GET3: variants seen among roughly 807,000 people sequenced by gnomAD.
The protein encoded by GET3 is guided entry of tail-anchored proteins factor 3, ATPase.
In GET3, 15 loss-of-function variants were observed where a neutral mutation model predicts 32.4. That is an observed-to-expected ratio of 0.46 (90% confidence interval 0.31 to 0.71). GET3 has a LOEUF of 0.71. Ranked by LOEUF, GET3 falls within the 30% of genes least tolerant of loss-of-function variation. The probability of loss-of-function intolerance (pLI) is 0.05; values close to 1 mark genes in which losing one functional copy is unlikely to be tolerated. For missense variants in GET3, 333 were observed against 459.0 expected (o/e 0.73, Z 2.51); for synonymous variants, 198 against 185.6 (o/e 1.07, Z -0.54).
At chr19:12,741,390 A>G (rs1967666519) in intron 2 of GET3, among the ~76,000 whole-genome samples, 1 of 151,326 alleles carries the variant, frequency 6.6e-6, no homozygotes, top group Non-Finnish European at 1.5e-5. Flanking sequence ...CGGGAGGTGG[A>G]GCTTACAGTG....
intron 2 of GET3, among the ~76,000 whole-genome samples, chr19:12,743,215 T>C (rs1302810808): frequency 6.6e-6 from 1 of 152,142 alleles, no homozygotes; most frequent in African/African-American, 2.4e-5. Context: ...TGGTGGCTCA[T>C]ACCTGTAATC....
rs1351656624 is a variant in GET3, at chr19:12,745,357, C to T, written c.310-20C>T. On this transcript the variant is annotated intron_variant, in intron 2 of 6. Coordinates refer to ENST00000357332, the MANE Select transcript of GET3 (RefSeq NM_004317.4). The surrounding 1 kb of genome is among the most constrained non-coding windows in gnomAD (Gnocchi z 5.0). ...CCCCAGCAGTAGCAGCAACCTCAGT[C>T]TCATCCCTTTGGCCCCCAGGAGATT... 1.2e-6 allele frequency: 2 copies of T among 1,605,340 alleles called. No homozygotes were observed. Among genetic ancestry groups the T allele is most frequent in the African/African-American group, 2.7e-5 (2 of 74,562 alleles).
chr19:12,740,632 G>T (rs927432216), intron 2 of GET3, among the ~76,000 whole-genome samples: 1 of 152,176 alleles, frequency 6.6e-6, no homozygotes, highest in Non-Finnish European at 1.5e-5. Context: ...AGCCGAGATC[G>T]CGCCACTGCT....
Position 12,747,962 on chromosome 19 carries a change from C to G in GET3, c.916-11C>G, listed in dbSNP as rs1967805880. ...CTGACCACTGCCTTCTACCCTCTGC[C>G]CTGGCTGCAGATGGAGGACCTGTAT... On this transcript the variant is annotated splice_polypyrimidine_tract_variant and intron_variant, in intron 6 of 6. Transcript: ENST00000357332. The surrounding 1 kb of genome is among the most constrained non-coding windows in gnomAD (Gnocchi z 4.0). 6.3e-7 allele frequency: 1 copy of G among 1,588,252 alleles called. No homozygotes were observed. Among genetic ancestry groups the G allele is most frequent in the South Asian group, 1.1e-5 (1 of 87,858 alleles).
Position 12,748,161 on chromosome 19 carries a change from C to A in GET3, c.*57C>A, listed in dbSNP as rs1967811039. ...ACACTCACCCTCCACCCTCCCCACC[C>A]CCTCGGGGCAGAGTTTGCACAAAGT... On this transcript the variant is annotated 3_prime_UTR_variant, in exon 7 of 7. Transcript: ENST00000357332. 3 of 1,496,704 alleles carry A rather than the reference C, an allele frequency of 2.0e-6. No homozygotes were observed. The highest frequency in any genetic ancestry group is 2.7e-6 in the Non-Finnish European group (3 of 1,114,754). The allele number at this position is 1,496,704 out of a possible 1,614,324, so 92.7% of individuals were successfully genotyped here.
chr19:12,745,576 GAC>G lies in GET3; in HGVS notation c.459-29_459-28del. The G allele has an allele frequency of 6.2e-7, 1 of 1,612,416 alleles. No homozygotes were observed. The highest frequency in any genetic ancestry group is 8.5e-7 in the Non-Finnish European group (1 of 1,179,956). ...GGCTGCCTGGGGAAGGGGAAGAGCG[GAC>G]ACAGAGGGCCTGACCCCTGTCTCCC... On this transcript the variant is annotated intron_variant, in intron 3 of 6. Coordinates refer to ENST00000357332, the MANE Select transcript of GET3 (RefSeq NM_004317.4). The surrounding 1 kb of genome is among the most constrained non-coding windows in gnomAD (Gnocchi z 5.0).
At chr19:12,740,973 CA>C (rs1185216060) in intron 2 of GET3, among the ~76,000 whole-genome samples, 1 of 152,172 alleles carries the variant, frequency 6.6e-6, no homozygotes, top group Admixed American at 6.6e-5. Flanking sequence ...ATTAAGGTAG[CA>C]GGGGGAACCA....
chr19:12,745,364 CT>C lies in GET3; in HGVS notation c.310-10del. On this transcript the variant is annotated splice_polypyrimidine_tract_variant and intron_variant, in intron 2 of 6. Transcript: ENST00000357332. This position sits in a 1 kb window ranked among gnomAD's most constrained non-coding sequence, Gnocchi z 5.0. The stretch of plus-strand genomic sequence containing the variant: ...AGTAGCAGCAACCTCAGTCTCATCC[CT>C]TTGGCCCCCAGGAGATTGACCCCAG... 1 of 1,607,330 alleles carries C rather than the reference CT, an allele frequency of 6.2e-7. No homozygotes were observed.
At chr19:12,738,447 T>C in intron 1 of GET3, 64 bp from the exon 2 acceptor site, 1 of 1,596,168 alleles carries the variant, frequency 6.3e-7, no homozygotes, top group South Asian at 1.1e-5. Context: ...ACCACTCCCC[T>C]TGCAGACCCA....
At chr19:12,744,843 C>G in intron 2 of GET3, among the ~76,000 whole-genome samples, 1 of 152,068 alleles carries the variant, frequency 6.6e-6, no homozygotes. Flanking sequence ...GTGTCCAACT[C>G]CTGGGCTCAA....
chr19:12,743,929 C>T (rs1040806603), intron 2 of GET3, among the ~76,000 whole-genome samples: 1 of 145,488 alleles, frequency 6.9e-6, no homozygotes, highest in Non-Finnish European at 1.5e-5. Context: ...CGGGGTTTCA[C>T]CGTGTTAGCC....
At position 12,746,882 on chromosome 19, in the gene GET3, C is replaced by T. The variant is rs146581833; in HGVS notation, c.610-315C>T. ...AAAATTAGCCGGGCATGGTGGTGCG[C>T]GCCTGTAATCCCAGCTACTCAAGAG... On this transcript the variant is annotated intron_variant, in intron 4 of 6. Coordinates refer to ENST00000357332, the MANE Select transcript of GET3 (RefSeq NM_004317.4). 2.5e-3 allele frequency among the ~76,000 whole-genome samples: 380 copies of T among 151,942 alleles called. 1 individual carries two copies. Among genetic ancestry groups the T allele is most frequent in the African/African-American group, 8.5e-3 (352 of 41,426 alleles).
chr19:12,747,325 C>A lies in GET3; in HGVS notation c.717+21C>A. ...ACCCTGTGAGTGGTGGTCTGGCTGG[C>A]GGTGAGAGGCCCGGGGGCTGAGGAC... On this transcript the variant is annotated intron_variant, in intron 5 of 6. Coordinates refer to ENST00000357332, the MANE Select transcript of GET3 (RefSeq NM_004317.4). This position sits in a 1 kb window ranked among gnomAD's most constrained non-coding sequence, Gnocchi z 4.0. 1 of 1,608,814 alleles carries A rather than the reference C, an allele frequency of 6.2e-7. No individual in the cohort carries two copies.
chr19:12,738,489 T>G, intron 1 of GET3, 22 bp from the exon 2 acceptor site: 1 of 1,613,522 alleles, frequency 6.2e-7, no homozygotes, highest in Non-Finnish European at 8.5e-7. Context: ...ATCCCCTATC[T>G]TTTGACTTTT....
At chr19:12,738,720 G>T (rs1045136876) in intron 2 of GET3, 62 bp downstream of exon 2, 4 of 1,598,256 alleles carry the variant, frequency 2.5e-6, no homozygotes, top group Non-Finnish European at 3.4e-6. Context: ...TTTCTTGTGC[G>T]CACACACCAG....
chr19:12,742,381 G>A (rs111831188), intron 2 of GET3, among the ~76,000 whole-genome samples: 1,740 of 151,702 alleles, frequency 0.011, 34 homozygotes, highest in African/African-American at 0.04. Context: ...ACAGGCGCCC[G>A]CCACCACATC....
rs1415206830 is a variant in GET3, at chr19:12,747,952, T to C, written c.916-21T>C. 3 of 1,578,170 alleles carry C rather than the reference T, an allele frequency of 1.9e-6. No individual in the cohort carries two copies. Among genetic ancestry groups the C allele is most frequent in the Admixed American group, 1.7e-5 (1 of 57,576 alleles). ...TTCCTGCCCCCTGACCACTGCCTTC[T>C]ACCCTCTGCCCTGGCTGCAGATGGA... On this transcript the variant is annotated intron_variant, in intron 6 of 6. Transcript: ENST00000357332. This position sits in a 1 kb window ranked among gnomAD's most constrained non-coding sequence, Gnocchi z 4.0.
chr19:12,738,636 G>C lies in GET3; in HGVS notation c.287G>C (p.Gly96Ala). The change falls in exon 2 of 7, where the codon GGC becomes GCC. Residue 96 changes from glycine (G) to alanine (A), a missense_variant. Around this residue, in one of 3 missense-constraint regions of GET3, gnomAD observed 230 missense variants for 389.2 expected, o/e 0.59. Coordinates refer to ENST00000357332, the MANE Select transcript of GET3 (RefSeq NM_004317.4). Reference protein sequence around the residue: ...KFSKVPTKVKGYDNLFAMEID... With the variant: ...KFSKVPTKVKAYDNLFAMEID... ...TCAAAGGTGCCTACCAAGGTCAAAG[G>C]CTATGACAACCTCTTTGCTATGGTG... 1 of 1,614,192 alleles carries C rather than the reference G, an allele frequency of 6.2e-7. No homozygotes were observed. The highest frequency in any genetic ancestry group is 8.5e-7 in the Non-Finnish European group (1 of 1,180,048).
In GET3 at chr19:12,747,937, C is replaced by G. The variant is rs1445507175; in HGVS notation, c.916-36C>G. 6.4e-7 allele frequency: 1 copy of G among 1,555,920 alleles called. No homozygotes were observed. The highest frequency in any genetic ancestry group is 1.4e-5 in the African/African-American group (1 of 73,490). On this transcript the variant is annotated intron_variant, in intron 6 of 6. Coordinates refer to ENST00000357332, the MANE Select transcript of GET3 (RefSeq NM_004317.4). This position sits in a 1 kb window ranked among gnomAD's most constrained non-coding sequence, Gnocchi z 4.0. ...CACTCTGTCTCTGCCTTCCTGCCCC[C>G]TGACCACTGCCTTCTACCCTCTGCC...
Sources: gnomAD v4.1 joint callset for allele counts (sites outside exome capture counted in the v4.1 genomes callset) on GRCh38, gnomAD v4.1.1 for gene constraint, gnomAD v4.1.1 regional missense constraint, Gnocchi (gnomAD v3.1) non-coding constraint, MANE v1.5 for transcripts, NCBI Gene and HGNC (gene_info 2026-07-23, HGNC 2026-07-21) for gene names.